The following NRXN3 variants were observed in gnomAD, a reference collection of about 807,000 sequenced individuals.
NRXN3 encodes the protein neurexin 3.
In NRXN3, 32 loss-of-function variants were observed where a neutral mutation model predicts 137.6. The observed-to-expected ratio is 0.23, with a 90% CI of 0.18 to 0.31. The LOEUF (loss-of-function observed/expected upper bound fraction) is 0.31, where lower values mean the gene tolerates loss of function less well. NRXN3 is among the 10% of genes least tolerant of loss of function. NRXN3 has a pLI of 1.00. For synonymous variants in NRXN3, 798 were observed against 784.5 expected (o/e 1.02, Z -0.29); for missense variants, 1,574 against 2,062.5 (o/e 0.76, Z 4.59).
chr14:79,338,561 T>G (rs553460944), intron 15 of NRXN3, among the ~76,000 whole-genome samples: 3 of 152,218 alleles, frequency 2.0e-5, no homozygotes, highest in Admixed American at 6.5e-5. Flanking sequence ...AATTTATGTA[T>G]CCACTGTCAG....
At chr14:78,936,913 C>A (rs1428893765) in intron 10 of NRXN3, among the ~76,000 whole-genome samples, 4 of 152,046 alleles carry the variant, frequency 2.6e-5, no homozygotes, top group Non-Finnish European at 5.9e-5. Context: ...ATCTTCAAGG[C>A]ACTTTTCAAA....
At chr14:79,818,846 T>TA (rs1215668336) in intron 20 of NRXN3, among the ~76,000 whole-genome samples, 6 of 152,368 alleles carry the variant, frequency 3.9e-5, no homozygotes, top group Non-Finnish European at 7.3e-5. Flanking sequence ...GCTTGTATTA[T>TA]AATCCTTATT....
chr14:78,857,705 G>A (rs1357579092), intron 10 of NRXN3, among the ~76,000 whole-genome samples: 5 of 152,082 alleles, frequency 3.3e-5, no homozygotes, highest in Admixed American at 6.6e-5. Flanking sequence ...AAATGGGGAA[G>A]CACCATCCCC....
chr14:78,655,479 A>G (rs552698891), intron 6 of NRXN3, among the ~76,000 whole-genome samples: 30 of 152,312 alleles, frequency 2.0e-4, no homozygotes, highest in African/African-American at 7.2e-4. Context: ...ATTCTATCAT[A>G]ATGCAAAAAT....
chr14:78,897,951 T>C (rs993975917), intron 10 of NRXN3, among the ~76,000 whole-genome samples: 2 of 152,004 alleles, frequency 1.3e-5, no homozygotes, highest in Admixed American at 6.6e-5. Context: ...CATCATGGCA[T>C]TTATCTCACA....
chr14:79,191,231 C>G (rs571294817), intron 15 of NRXN3, among the ~76,000 whole-genome samples: 2 of 152,282 alleles, frequency 1.3e-5, no homozygotes, highest in African/African-American at 4.8e-5. Flanking sequence ...GATATAAGAA[C>G]ACAGGCCAGA....
chr14:79,363,159 C>T (rs1322350020), intron 15 of NRXN3, among the ~76,000 whole-genome samples: 3 of 152,072 alleles, frequency 2.0e-5, no homozygotes, highest in East Asian at 1.9e-4. Flanking sequence ...CACAACCGCA[C>T]CTGGCTAATT....
rs1311963599 is a variant in NRXN3 at position 79,316,082 on chromosome 14, G to A, written c.3263-151139G>A. On this transcript the variant is annotated intron_variant, in intron 15 of 20. Transcript: ENST00000335750. ...ACCTTACTTCAGTGCTGGGACTCCC[G>A]AATCGCGAGGAAGGTATGATTCTTA... Among the ~76,000 whole-genome samples, 3 of 152,124 alleles carry A rather than the reference G, an allele frequency of 2.0e-5. No individual in the cohort carries two copies. The South Asian group carries it at 6.2e-4, about 32-fold the overall frequency.
At chr14:78,958,671 A>T (rs1272851640) in intron 11 of NRXN3, among the ~76,000 whole-genome samples, 1 of 152,212 alleles carries the variant, frequency 6.6e-6, no homozygotes, top group Non-Finnish European at 1.5e-5. Flanking sequence ...GCTATATCTT[A>T]TAAGTCTTCC....
chr14:79,403,412 G>C (rs988274986), intron 15 of NRXN3, among the ~76,000 whole-genome samples: 12 of 152,098 alleles, frequency 7.9e-5, no homozygotes, highest in African/African-American at 2.9e-4. Flanking sequence ...TAGGGGGAAG[G>C]AAAAAGGAAG....
intron 4 of NRXN3, among the ~76,000 whole-genome samples, chr14:78,462,084 C>T (rs190152513): frequency 1.7e-4 from 26 of 152,202 alleles, no homozygotes; most frequent in Admixed American, 3.3e-4. Flanking sequence ...GAGGTGAAGC[C>T]CCAAGCACAA....
In NRXN3 at chr14:78,231,020, G is replaced by A. The variant is rs535945868; in HGVS notation, c.-703-11371G>A. ...AAACACTGGTGTAGTAGAATTGATAGGAGTGCAGCTTACGGCCTCCCCTGT... is the reference window on the plus strand; with the variant it reads ...AAACACTGGTGTAGTAGAATTGATAAGAGTGCAGCTTACGGCCTCCCCTGT... On this transcript the variant is annotated intron_variant, in intron 1 of 20. Transcript: ENST00000335750. Among the ~76,000 whole-genome samples, 101 of 152,192 alleles carry A rather than the reference G, an allele frequency of 6.6e-4. 1 individual carries two copies. Among genetic ancestry groups the A allele is most frequent in the Non-Finnish European group, 9.0e-4 (61 of 68,042 alleles).
At chr14:78,271,516 C>G (rs2072743825) in intron 2 of NRXN3, among the ~76,000 whole-genome samples, 2 of 151,850 alleles carry the variant, frequency 1.3e-5, no homozygotes, top group South Asian at 4.2e-4. Context: ...GCACTGATCT[C>G]TGATTATATC....
At chr14:79,392,354 A>G (rs1227930893) in intron 15 of NRXN3, among the ~76,000 whole-genome samples, 3 of 152,184 alleles carry the variant, frequency 2.0e-5, no homozygotes, top group Non-Finnish European at 2.9e-5. Flanking sequence ...AAAATATTCC[A>G]TGGTGTATAT....
At chr14:78,508,386 G>C (rs2096037883) in intron 4 of NRXN3, among the ~76,000 whole-genome samples, 1 of 152,210 alleles carries the variant, frequency 6.6e-6, no homozygotes, top group Non-Finnish European at 1.5e-5. Context: ...GAAGGCAGAG[G>C]TTAATGGTTT....
At chr14:78,784,918 T>C (rs1407715478) in intron 8 of NRXN3, among the ~76,000 whole-genome samples, 2 of 151,998 alleles carry the variant, frequency 1.3e-5, no homozygotes, top group Non-Finnish European at 2.9e-5. Flanking sequence ...CAAGAGTGTA[T>C]TCTATGGCCA....
At chr14:79,765,848 A>AT (rs2139578531) in intron 19 of NRXN3, among the ~76,000 whole-genome samples, 1 of 152,326 alleles carries the variant, frequency 6.6e-6, no homozygotes, top group East Asian at 1.9e-4. Flanking sequence ...TACTTTTTAC[A>AT]TTCTTTTTTC....
intron 15 of NRXN3, among the ~76,000 whole-genome samples, chr14:79,448,405 T>A (rs1198940968): frequency 2.0e-5 from 3 of 152,230 alleles, no homozygotes; most frequent in Non-Finnish European, 4.4e-5. Context: ...ATTTATTTGT[T>A]TATTGTCTGC....
intron 15 of NRXN3, among the ~76,000 whole-genome samples, chr14:79,178,117 C>T (rs368666151): frequency 6.6e-6 from 1 of 152,118 alleles, no homozygotes; most frequent in African/African-American, 2.4e-5. Flanking sequence ...TGGAGCTAGC[C>T]CAGATGGCTG....
Sources: allele counts gnomAD v4.1 joint callset (sites outside exome capture counted in the v4.1 genomes callset), GRCh38; gene constraint gnomAD v4.1.1; transcripts MANE v1.5; gene names NCBI Gene and HGNC (gene_info 2026-07-23, HGNC 2026-07-21).